The following ROCK1 variants were observed in gnomAD, a reference collection of about 807,000 sequenced individuals.
ROCK1 encodes Rho associated coiled-coil containing protein kinase 1.
Under a neutral mutation model 196.8 loss-of-function variants are expected in ROCK1, and 36 were observed. That is an observed-to-expected ratio of 0.18 (90% CI 0.14 to 0.24). ROCK1 has a LOEUF of 0.24. Among genes scored for constraint, ROCK1 ranks in the 10% least tolerant of loss-of-function variants. The pLI, the probability that ROCK1 is intolerant of heterozygous loss-of-function variation, is 1.00. For missense variants in ROCK1, 920 were observed against 1,562.0 expected (o/e 0.59, Z 6.93); for synonymous variants, 443 against 515.9 (o/e 0.86, Z 1.91).
At chr18:21,082,464 A>C (rs1205234082) in intron 1 of ROCK1, among the ~76,000 whole-genome samples, 2 of 152,224 alleles carry the variant, frequency 1.3e-5, no homozygotes, top group East Asian at 3.9e-4. Flanking sequence ...TATAGCACAT[A>C]TGAGAAGAAG....
chr18:20,989,532 C>A (rs1437442576), intron 18 of ROCK1, among the ~76,000 whole-genome samples: 1 of 151,982 alleles, frequency 6.6e-6, no homozygotes, highest in Non-Finnish European at 1.5e-5. Context: ...GAATCTGACA[C>A]CATTGAAGTT....
At chr18:20,979,866 C>A (rs1308276625) in intron 22 of ROCK1, 44 bp downstream of exon 22, 1 of 1,496,440 alleles carries the variant, frequency 6.7e-7, no homozygotes, top group Admixed American at 2.4e-5. Flanking sequence ...CTTAAGAATG[C>A]CTGTTGCAGT....
At chr18:20,988,212 C>T (rs527659566) in intron 18 of ROCK1, among the ~76,000 whole-genome samples, 10 of 152,014 alleles carry the variant, frequency 6.6e-5, no homozygotes, top group Non-Finnish European at 1.0e-4. Flanking sequence ...ATTACAGGTA[C>T]GCACCACTAC....
At chr18:21,066,609 G>T (rs2036337007) in intron 2 of ROCK1, among the ~76,000 whole-genome samples, 2 of 152,134 alleles carry the variant, frequency 1.3e-5, no homozygotes, top group Non-Finnish European at 2.9e-5. Flanking sequence ...TCTAACTCCT[G>T]AAGTTTTACC....
intron 18 of ROCK1, among the ~76,000 whole-genome samples, chr18:20,988,096 C>T (rs1388665169): frequency 1.3e-5 from 2 of 151,794 alleles, no homozygotes; most frequent in African/African-American, 2.4e-5. Context: ...GATGGTGTCT[C>T]GCTCTGTTGC....
intron 1 of ROCK1, among the ~76,000 whole-genome samples, chr18:21,101,372 T>C (rs2036658208): frequency 6.6e-6 from 1 of 152,192 alleles, no homozygotes. Flanking sequence ...TGATCAACCT[T>C]AGCATCACTA....
intron 1 of ROCK1, among the ~76,000 whole-genome samples, chr18:21,094,527 G>A (rs112667818): frequency 0.089 from 13,445 of 151,462 alleles, 745 homozygotes; most frequent in Middle Eastern, 0.21. Context: ...TCATTAAGCC[G>A]AGGAGTTTGA....
At chr18:21,016,809 T>C (rs1258915959) in intron 12 of ROCK1, among the ~76,000 whole-genome samples, 5 of 152,148 alleles carry the variant, frequency 3.3e-5, no homozygotes, top group African/African-American at 1.2e-4. Flanking sequence ...ATTTAATATA[T>C]ATTTTTTACT....
At chr18:21,086,634 A>G (rs957629761) in intron 1 of ROCK1, among the ~76,000 whole-genome samples, 11 of 152,146 alleles carry the variant, frequency 7.2e-5, no homozygotes, top group African/African-American at 2.7e-4. Flanking sequence ...ATGGCTAAAA[A>G]TTCCCCAAAT....
rs1213581388 is a variant in ROCK1, at chr18:21,074,099, A to G, written c.94-3486T>C. On this transcript the variant is annotated intron_variant, in intron 1 of 32. Coordinates refer to ENST00000399799, the MANE Select transcript of ROCK1 (RefSeq NM_005406.3). The stretch of plus-strand genomic sequence containing the variant: ...CTTGAGCCCAGGAGCTCAAGGCTAC[A>G]GTAATCTATGATTTTGCCACTGCAC... 2.0e-5 allele frequency among the ~76,000 whole-genome samples: 3 copies of G among 152,304 alleles called. No homozygotes were observed. In the East Asian group the frequency reaches 5.8e-4, roughly 29 times the overall value.
Position 20,995,395 on chromosome 18 carries a change from C to T in ROCK1, c.1886-2458G>A, listed in dbSNP as rs575140453. ...AGGAACACCAATTTGAACAACCATT[C>T]GCACAGAAAAGCACCTTCATAAGAA... On this transcript the variant is annotated intron_variant, in intron 16 of 32. Coordinates refer to ENST00000399799, the MANE Select transcript of ROCK1 (RefSeq NM_005406.3). Among the ~76,000 whole-genome samples, 14 of 152,314 alleles carry T rather than the reference C, an allele frequency of 9.2e-5. No individual in the cohort carries two copies. The East Asian group carries it at 1.2e-3, about 13-fold the overall frequency.
At chr18:20,959,136 A>G (rs1251703150) in intron 29 of ROCK1, among the ~76,000 whole-genome samples, 3 of 63,690 alleles carry the variant, frequency 4.7e-5, no homozygotes, top group South Asian at 3.2e-4. Context: ...TATATTATAT[A>G]TATTATATAA....
intron 1 of ROCK1, among the ~76,000 whole-genome samples, chr18:21,102,258 C>T (rs1258882044): frequency 6.6e-6 from 1 of 152,174 alleles, no homozygotes; most frequent in African/African-American, 2.4e-5. Context: ...GAATCTGATA[C>T]AATCTACAGC....
At chr18:21,002,327 T>C (rs2035731931) in intron 16 of ROCK1, among the ~76,000 whole-genome samples, 1 of 152,178 alleles carries the variant, frequency 6.6e-6, no homozygotes, top group Non-Finnish European at 1.5e-5. Flanking sequence ...ACTAGGGTAG[T>C]GTCTAAACTT....
intron 2 of ROCK1, among the ~76,000 whole-genome samples, chr18:21,057,024 C>CTGTTGTAT (rs1428984349): frequency 1.3e-5 from 2 of 152,212 alleles, no homozygotes; most frequent in East Asian, 3.8e-4. Flanking sequence ...AACTTCCGAT[C>CTGTTGTAT]CTTCTTAAAC....
chr18:21,049,526 T>G (rs987823448), intron 3 of ROCK1, among the ~76,000 whole-genome samples: 8 of 152,230 alleles, frequency 5.3e-5, no homozygotes, highest in Admixed American at 1.3e-4. Flanking sequence ...CTACAGCATT[T>G]TAGTCTAATA....
chr18:20,954,448 C>T (rs553890319), intron 31 of ROCK1, among the ~76,000 whole-genome samples: 223 of 149,456 alleles, frequency 1.5e-3, no homozygotes, highest in Non-Finnish European at 2.0e-3. Flanking sequence ...TGGTGGCACA[C>T]GCCTATAGTC....
chr18:21,103,447 A>G (rs531632893), intron 1 of ROCK1, among the ~76,000 whole-genome samples: 12 of 151,908 alleles, frequency 7.9e-5, no homozygotes, highest in Admixed American at 5.2e-4. Flanking sequence ...ATTTTGTTTA[A>G]TAAATTTTAT....
At chr18:20,959,170 AAT>A (rs1350848948) in intron 29 of ROCK1, among the ~76,000 whole-genome samples, 2 of 63,536 alleles carry the variant, frequency 3.1e-5, no homozygotes, top group African/African-American at 6.7e-5. Flanking sequence ...TATATTATAT[AAT>A]ATATATAATA....
Sources: allele counts gnomAD v4.1 joint callset (sites outside exome capture counted in the v4.1 genomes callset), GRCh38; gene constraint gnomAD v4.1.1; transcripts MANE v1.5; gene names NCBI Gene and HGNC (gene_info 2026-07-23, HGNC 2026-07-21).